Variants in CMSS1 observed in about 807,000 individuals in gnomAD.
CMSS1 encodes the protein protein CMSS1.
A neutral mutation model predicts 43.5 loss-of-function variants in CMSS1; 33 were observed. The ratio of observed to expected loss-of-function variants is 0.76; its 90% CI spans 0.57 to 1.01. CMSS1 has a LOEUF of 1.01. Among genes scored for constraint, CMSS1 ranks in the 50% least tolerant of loss-of-function variants. The pLI is 0.00. For missense variants in CMSS1, 313 were observed against 326.4 expected, an observed-to-expected ratio of 0.96 and a Z score of 0.32; for synonymous variants, 115 against 117.2, an observed-to-expected ratio of 0.98 and a Z score of 0.12.
chr3:100,014,891 C>CTTTTTTTTTTTTTTTTTTTT (rs1710284139), intron 1 of CMSS1, among the ~76,000 whole-genome samples: 4 of 27,226 alleles, frequency 1.5e-4, no homozygotes, highest in East Asian at 9.8e-4. Flanking sequence ...TTTTTTCTTT[C>CTTTTTTTTTTTTTTTTTTTT]TTTCTTTTTT....
chr3:99,939,876 TTC>T (rs1393411176), intron 1 of CMSS1, among the ~76,000 whole-genome samples: 2 of 152,216 alleles, frequency 1.3e-5, no homozygotes, highest in Admixed American at 1.3e-4. Flanking sequence ...AAGCTAGGTA[TTC>T]TGACTTTTTT....
chr3:99,872,376 G>T (rs1289247325), intron 1 of CMSS1, among the ~76,000 whole-genome samples: 1 of 147,790 alleles, frequency 6.8e-6, no homozygotes, highest in African/African-American at 2.5e-5. Context: ...CCTTATCAAG[G>T]TACTTCTCAA....
intron 1 of CMSS1, among the ~76,000 whole-genome samples, chr3:99,984,696 G>A (rs1448375459): frequency 6.6e-6 from 1 of 152,110 alleles, no homozygotes; most frequent in Non-Finnish European, 1.5e-5. Context: ...CTGTGGGGGA[G>A]GGAATCCTAG....
intron 1 of CMSS1, among the ~76,000 whole-genome samples, chr3:100,058,215 C>T (rs925893191): frequency 3.3e-5 from 5 of 152,246 alleles, no homozygotes; most frequent in Non-Finnish European, 5.9e-5. Context: ...CTATACCCTA[C>T]TGCCTCTCTC....
chr3:99,828,486 C>G (rs1245339230), intron 1 of CMSS1, among the ~76,000 whole-genome samples: 1 of 144,536 alleles, frequency 6.9e-6, no homozygotes, highest in Non-Finnish European at 1.5e-5. Context: ...AGGTCTTGCT[C>G]TGTCAGTCAG....
chr3:100,056,479 A>G (rs763756003), intron 1 of CMSS1, among the ~76,000 whole-genome samples: 3 of 152,204 alleles, frequency 2.0e-5, no homozygotes, highest in Non-Finnish European at 4.4e-5. Flanking sequence ...ATACAAAGAT[A>G]ACAAAAGTTT....
rs201295182 is a variant in CMSS1, at chr3:100,172,418, C to T, written c.667+15C>T. Reference sequence around the variant, plus strand: ...TGTTAAACAAGGTATGACAAGAGGGCAGTGATACTCTTGCCCAGGGCTGGG... The same window carrying T: ...TGTTAAACAAGGTATGACAAGAGGGTAGTGATACTCTTGCCCAGGGCTGGG... On this transcript the variant is annotated intron_variant, in intron 8 of 9. Coordinates refer to ENST00000421999, the MANE Select transcript of CMSS1 (RefSeq NM_032359.4). 24 of 1,587,212 alleles carry T rather than the reference C, an allele frequency of 1.5e-5. No individual in the cohort carries two copies. The highest frequency in any genetic ancestry group is 8.1e-5 in the African/African-American group (6 of 74,372).
chr3:99,982,297 A>G (rs1355030419), intron 1 of CMSS1, among the ~76,000 whole-genome samples: 2 of 151,502 alleles, frequency 1.3e-5, no homozygotes, highest in African/African-American at 2.4e-5. Context: ...GGGGCTGTGT[A>G]TTTATGAATG....
In CMSS1 at chr3:100,135,438, A is replaced by ATGTGTGTGTG. The variant is rs71132511; in HGVS notation, c.65-11491_65-11482dup. Among the ~76,000 whole-genome samples the ATGTGTGTGTG allele has an allele frequency of 1.5e-3, 183 of 120,828 alleles. 2 individuals are homozygous for ATGTGTGTGTG. The highest frequency in any genetic ancestry group is 4.3e-3 in the African/African-American group (131 of 30,802). 79.3% of individuals were successfully genotyped at this position (120,828 alleles called of 152,430 possible). A position where few individuals can be genotyped will look rare whatever the true frequency, so the allele number is the denominator to read the frequency against. ...CTGAGGAGCCTTTGTGTGTGTGTGC[A>ATGTGTGTGTG]TGTGTGTGTGTGTGTGTGTGTGTGT... On this transcript the variant is annotated intron_variant, in intron 1 of 9. Transcript: ENST00000421999.
chr3:100,094,644 T>C (rs2107442608), intron 1 of CMSS1, among the ~76,000 whole-genome samples: 1 of 151,452 alleles, frequency 6.6e-6, no homozygotes, highest in Non-Finnish European at 1.5e-5. Flanking sequence ...GATGTCCAAT[T>C]TCTCCAGCAC....
At chr3:99,961,380 C>T (rs1708485835) in intron 1 of CMSS1, among the ~76,000 whole-genome samples, 1 of 152,058 alleles carries the variant, frequency 6.6e-6, no homozygotes, top group Non-Finnish European at 1.5e-5. Flanking sequence ...TAAAATGTAA[C>T]CTTTGATCAT....
At chr3:99,881,230 C>T (rs571685450) in intron 1 of CMSS1, among the ~76,000 whole-genome samples, 11 of 152,196 alleles carry the variant, frequency 7.2e-5, no homozygotes, top group South Asian at 2.1e-4. Context: ...GGTAATGTGA[C>T]GCCACTGTAA....
At chr3:100,029,035 T>A (rs901978733) in intron 1 of CMSS1, among the ~76,000 whole-genome samples, 62 of 152,172 alleles carry the variant, frequency 4.1e-4, no homozygotes, top group Middle Eastern at 3.4e-3. Context: ...TTAAAAAAAA[T>A]TTTTTTGAGC....
intron 1 of CMSS1, among the ~76,000 whole-genome samples, chr3:100,013,463 C>G (rs1042676230): frequency 4.1e-5 from 6 of 147,686 alleles, no homozygotes; most frequent in Non-Finnish European, 7.5e-5. Flanking sequence ...AGACTGGTCT[C>G]AAACTCCTGA....
At chr3:100,052,722 G>T (rs1288908948) in intron 1 of CMSS1, among the ~76,000 whole-genome samples, 2 of 152,052 alleles carry the variant, frequency 1.3e-5, no homozygotes, top group East Asian at 3.9e-4. Flanking sequence ...TTTTACAAAG[G>T]CAAGGTGGAA....
intron 1 of CMSS1, among the ~76,000 whole-genome samples, chr3:100,069,126 T>C (rs1455211187): frequency 2.0e-5 from 3 of 152,196 alleles, no homozygotes; most frequent in Non-Finnish European, 4.4e-5. Context: ...TTTAGTTTCA[T>C]GTCTTCTGTA....
At chr3:100,142,548 A>G (rs1052991950) in intron 1 of CMSS1, among the ~76,000 whole-genome samples, 5 of 152,160 alleles carry the variant, frequency 3.3e-5, no homozygotes, top group African/African-American at 1.2e-4. Flanking sequence ...CCAATCCCCC[A>G]CAGATACCAA....
intron 1 of CMSS1, among the ~76,000 whole-genome samples, chr3:99,986,643 G>T (rs1460180851): frequency 6.6e-6 from 1 of 152,128 alleles, no homozygotes; most frequent in Non-Finnish European, 1.5e-5. Context: ...AATTGATGAA[G>T]ATTAAATGAA....
At chr3:99,874,654 A>T (rs1705416649) in intron 1 of CMSS1, among the ~76,000 whole-genome samples, 1 of 152,222 alleles carries the variant, frequency 6.6e-6, no homozygotes, top group Non-Finnish European at 1.5e-5. Context: ...AACTGCTATG[A>T]GGCAAAAATG....
Sources: gnomAD v4.1 joint callset for allele counts (sites outside exome capture counted in the v4.1 genomes callset) on GRCh38, gnomAD v4.1.1 for gene constraint, MANE v1.5 for transcripts, NCBI Gene and HGNC (gene_info 2026-07-23, HGNC 2026-07-21) for gene names.